Variants in DSCAM observed in about 807,000 individuals in gnomAD.
DSCAM encodes DS cell adhesion molecule.
In DSCAM, 47 loss-of-function variants were observed where a neutral mutation model predicts 217.7. That is an observed-to-expected ratio of 0.22 (90% confidence interval 0.17 to 0.28). The LOEUF (loss-of-function observed/expected upper bound fraction) is 0.28, where lower values mean the gene tolerates loss of function less well. Among genes scored for constraint, DSCAM ranks in the 10% least tolerant of loss-of-function variants. The pLI, the probability that DSCAM is intolerant of heterozygous loss-of-function variation, is 1.00. For missense variants in DSCAM, 2,080 were observed against 2,618.3 expected (o/e 0.79, Z 4.49); for synonymous variants, 1,056 against 1,015.3 (o/e 1.04, Z -0.76).
At chr21:40,308,038 C>T (rs2074098683) in intron 9 of DSCAM, among the ~76,000 whole-genome samples, 1 of 151,826 alleles carries the variant, frequency 6.6e-6, no homozygotes, top group Non-Finnish European at 1.5e-5. Context: ...ACATATGTAA[C>T]TAACCTGCAC....
chr21:40,114,143 C>A (rs1451686462), intron 20 of DSCAM, among the ~76,000 whole-genome samples: 2 of 148,434 alleles, frequency 1.3e-5, no homozygotes, highest in African/African-American at 2.5e-5. Context: ...GGAGGCATCA[C>A]GCTACCTGAC....
At chr21:40,336,827 G>A (rs547647609) in intron 8 of DSCAM, among the ~76,000 whole-genome samples, 16 of 152,262 alleles carry the variant, frequency 1.1e-4, no homozygotes, top group South Asian at 1.0e-3. Flanking sequence ...TTTCATTGTT[G>A]TATTCCTCAG....
chr21:40,427,393 T>C (rs979632942), intron 3 of DSCAM, among the ~76,000 whole-genome samples: 2 of 152,184 alleles, frequency 1.3e-5, no homozygotes, highest in South Asian at 2.1e-4. Context: ...ACAAACTCAA[T>C]TGTTCAATAG....
At position 40,216,186 on chromosome 21, in the gene DSCAM, A is replaced by G. The variant is rs143632141; in HGVS notation, c.2357-26948T>C. 3.3e-3 allele frequency among the ~76,000 whole-genome samples: 495 copies of G among 152,102 alleles called. 5 individuals are homozygous for G. The highest frequency in any genetic ancestry group is 0.011 in the African/African-American group (473 of 41,490). On this transcript the variant is annotated intron_variant, in intron 11 of 32. Coordinates refer to ENST00000400454, the MANE Select transcript of DSCAM (RefSeq NM_001389.5). ...AAGATCATAGCTCACTGCAACCTCA[A>G]ACTCCTGGGCTCAAGTGATCCTCCC...
chr21:40,033,100 C>A (rs1057341417), intron 32 of DSCAM, among the ~76,000 whole-genome samples: 1 of 152,168 alleles, frequency 6.6e-6, no homozygotes, highest in African/African-American at 2.4e-5. Flanking sequence ...TGGTGAGATA[C>A]CTCAGAGTAT....
chr21:40,661,997 T>C (rs2146381608), intron 3 of DSCAM, among the ~76,000 whole-genome samples: 1 of 152,322 alleles, frequency 6.6e-6, no homozygotes, highest in Non-Finnish European at 1.5e-5. Flanking sequence ...TCAAAGTACT[T>C]ATTGAACACA....
chr21:40,194,434 CTGAAG>C, intron 11 of DSCAM, among the ~76,000 whole-genome samples: 1 of 152,122 alleles, frequency 6.6e-6, no homozygotes, highest in African/African-American at 2.4e-5. Context: ...GCGAGGATTT[CTGAAG>C]CATAACAAAT....
chr21:40,797,240 T>C (rs904869400), intron 1 of DSCAM, among the ~76,000 whole-genome samples: 7 of 152,146 alleles, frequency 4.6e-5, no homozygotes, highest in Admixed American at 2.0e-4. Context: ...ATTAACCATA[T>C]CAGTAAACAT....
At position 40,726,999 on chromosome 21, in the gene DSCAM, T is replaced by C. The variant is rs535753335; in HGVS notation, c.44-18228A>G. On this transcript the variant is annotated intron_variant, in intron 1 of 32. Transcript: ENST00000400454. ...AAAGACCCTCACCAAATGTGGCCCT[T>C]CAACCTTGGACTTCTTAGCCTCCAT... is the stretch of plus-strand genomic sequence containing the variant. Among the ~76,000 whole-genome samples the C allele has an allele frequency of 3.9e-5, 6 of 152,326 alleles. No homozygotes were observed. In the East Asian group the frequency reaches 9.6e-4, roughly 24 times the overall value.
At chr21:40,526,059 T>C (rs140743019) in intron 3 of DSCAM, among the ~76,000 whole-genome samples, 2,373 of 152,170 alleles carry the variant, frequency 0.016, 68 homozygotes, top group African/African-American at 0.053. Flanking sequence ...CCATGTCCGT[T>C]CCCCAATTTC....
At chr21:40,488,191 G>C (rs947344807) in intron 3 of DSCAM, among the ~76,000 whole-genome samples, 1 of 152,154 alleles carries the variant, frequency 6.6e-6, no homozygotes, top group Non-Finnish European at 1.5e-5. Context: ...TCTGTACTCC[G>C]CACCTGGAAC....
intron 21 of DSCAM, among the ~76,000 whole-genome samples, chr21:40,089,594 G>A (rs186237764): frequency 1.3e-5 from 2 of 152,278 alleles, no homozygotes; most frequent in African/African-American, 2.4e-5. Flanking sequence ...TTTGGACCCT[G>A]CTACCTGTCG....
chr21:40,509,123 T>G (rs2076238341), intron 3 of DSCAM, among the ~76,000 whole-genome samples: 1 of 152,138 alleles, frequency 6.6e-6, no homozygotes, highest in Non-Finnish European at 1.5e-5. Context: ...GTTGGTTTTT[T>G]TCTCTAAAAT....
At chr21:40,249,911 C>T (rs536043048) in intron 11 of DSCAM, among the ~76,000 whole-genome samples, 1 of 152,302 alleles carries the variant, frequency 6.6e-6, no homozygotes, top group South Asian at 2.1e-4. Flanking sequence ...TGTCTGAGAT[C>T]AAGGCCTCCT....
intron 1 of DSCAM, among the ~76,000 whole-genome samples, chr21:40,816,288 C>T (rs1262532564): frequency 5.3e-5 from 8 of 152,100 alleles, no homozygotes; most frequent in Admixed American, 1.3e-4. Flanking sequence ...TTTGAGGTGT[C>T]GGGATGCTAG....
intron 3 of DSCAM, among the ~76,000 whole-genome samples, chr21:40,572,419 A>C (rs1331396995): frequency 2.0e-5 from 3 of 152,204 alleles, no homozygotes; most frequent in Non-Finnish European, 4.4e-5. Context: ...AAAATACTTA[A>C]ATACAATTGT....
At chr21:40,398,863 C>T (rs1029488083) in intron 3 of DSCAM, among the ~76,000 whole-genome samples, 13 of 152,090 alleles carry the variant, frequency 8.5e-5, no homozygotes, top group African/African-American at 3.1e-4. Context: ...GCTGGGATTA[C>T]AGGTGTCAGC....
At chr21:40,495,566 A>T (rs1217870791) in intron 3 of DSCAM, among the ~76,000 whole-genome samples, 1 of 152,222 alleles carries the variant, frequency 6.6e-6, no homozygotes, top group African/African-American at 2.4e-5. Context: ...ACAAACCCAA[A>T]GCTAACATTG....
At chr21:40,419,736 T>C (rs958833440) in intron 3 of DSCAM, among the ~76,000 whole-genome samples, 1 of 152,236 alleles carries the variant, frequency 6.6e-6, no homozygotes, top group African/African-American at 2.4e-5. Context: ...AGATATGATA[T>C]GGTCATGAAA....
Sources: allele counts gnomAD v4.1 joint callset (sites outside exome capture counted in the v4.1 genomes callset), GRCh38; gene constraint gnomAD v4.1.1; transcripts MANE v1.5; gene names NCBI Gene and HGNC (gene_info 2026-07-23, HGNC 2026-07-21).